Variants in GPC6 observed in about 807,000 individuals in gnomAD.
GPC6 encodes glypican 6, also known as glypican-6.
In GPC6, 14 loss-of-function variants were observed where a neutral mutation model predicts 55.2. The observed-to-expected ratio is 0.25, with a 90% CI of 0.17 to 0.40. The LOEUF is 0.40. Ranked by LOEUF, GPC6 falls within the 10% of genes least tolerant of loss-of-function variation. The probability of loss-of-function intolerance (pLI) is 1.00; values close to 1 mark genes in which losing one functional copy is unlikely to be tolerated. For missense variants in GPC6, 641 were observed against 708.5 expected (o/e 0.90, Z 1.08); for synonymous variants, 278 against 259.6 (o/e 1.07, Z -0.68).
intron 2 of GPC6, among the ~76,000 whole-genome samples, chr13:93,770,505 C>T (rs1169957621): frequency 6.6e-6 from 1 of 152,150 alleles, no homozygotes; most frequent in African/African-American, 2.4e-5. Context: ...CATCTTCTTC[C>T]AAGACAGGCC....
intron 1 of GPC6, among the ~76,000 whole-genome samples, chr13:93,440,688 T>A (rs950027613): frequency 8.1e-5 from 7 of 86,268 alleles, no homozygotes; most frequent in East Asian, 4.1e-4. Flanking sequence ...TTTATTTTTT[T>A]AATTATACAC....
intron 3 of GPC6, among the ~76,000 whole-genome samples, chr13:93,945,490 G>A (rs146424929): frequency 7.9e-5 from 12 of 152,168 alleles, no homozygotes; most frequent in African/African-American, 2.2e-4. Flanking sequence ...AAGGTGAAGC[G>A]CAGGCAGGCT....
intron 4 of GPC6, among the ~76,000 whole-genome samples, chr13:94,174,549 C>T (rs1888679337): frequency 6.6e-6 from 1 of 151,958 alleles, no homozygotes; most frequent in Non-Finnish European, 1.5e-5. Flanking sequence ...TGGCATAAAA[C>T]AAATGGTGTG....
intron 2 of GPC6, among the ~76,000 whole-genome samples, chr13:93,829,663 A>G (rs968412408): frequency 3.3e-5 from 5 of 152,224 alleles, no homozygotes; most frequent in African/African-American, 9.6e-5. Context: ...GAAACTAGAA[A>G]GAGTCTAAAA....
At chr13:93,957,672 T>C (rs1258006681) in intron 3 of GPC6, among the ~76,000 whole-genome samples, 1 of 152,200 alleles carries the variant, frequency 6.6e-6, no homozygotes, top group Non-Finnish European at 1.5e-5. Flanking sequence ...TGTGATAGTA[T>C]GGTAATGAAC....
At chr13:94,368,041 C>G (rs940931421) in intron 6 of GPC6, among the ~76,000 whole-genome samples, 1 of 150,338 alleles carries the variant, frequency 6.7e-6, no homozygotes, top group African/African-American at 2.5e-5. Flanking sequence ...CCCAGCTACT[C>G]GGGAAGCTGA....
chr13:93,297,968 T>C (rs1239008409), intron 1 of GPC6, among the ~76,000 whole-genome samples: 1 of 152,190 alleles, frequency 6.6e-6, no homozygotes, highest in Non-Finnish European at 1.5e-5. Flanking sequence ...ATTGGCTTGA[T>C]AAAATATGGA....
chr13:93,783,463 C>A (rs780038242), intron 2 of GPC6, among the ~76,000 whole-genome samples: 1 of 152,100 alleles, frequency 6.6e-6, no homozygotes, highest in Non-Finnish European at 1.5e-5. Flanking sequence ...TAAAAGCGTT[C>A]CTGTTTCTCT....
intron 1 of GPC6, among the ~76,000 whole-genome samples, chr13:93,264,985 G>T (rs1259388967): frequency 6.6e-6 from 1 of 152,074 alleles, no homozygotes; most frequent in East Asian, 1.9e-4. Flanking sequence ...ACTTCATAAA[G>T]GATGATAAGA....
chr13:94,040,420 C>T (rs569641427), intron 4 of GPC6, among the ~76,000 whole-genome samples: 3 of 151,884 alleles, frequency 2.0e-5, no homozygotes, highest in African/African-American at 4.8e-5. Context: ...TTCGAGATAC[C>T]AGTGACGTTT....
chr13:93,669,201 A>AT (rs970197766), intron 2 of GPC6, among the ~76,000 whole-genome samples: 1 of 151,964 alleles, frequency 6.6e-6, no homozygotes, highest in African/African-American at 2.4e-5. Flanking sequence ...CATTTTTTTC[A>AT]TTTTTTTACT....
intron 1 of GPC6, among the ~76,000 whole-genome samples, chr13:93,348,382 G>C (rs1428065807): frequency 6.6e-6 from 1 of 152,172 alleles, no homozygotes; most frequent in African/African-American, 2.4e-5. Context: ...AAAGTCCTTT[G>C]CAATTACATA....
At chr13:93,942,426 C>T (rs555888022) in intron 3 of GPC6, among the ~76,000 whole-genome samples, 3 of 152,192 alleles carry the variant, frequency 2.0e-5, no homozygotes, top group African/African-American at 7.2e-5. Context: ...CTTTGGTGAT[C>T]CTCCCACCTC....
intron 4 of GPC6, among the ~76,000 whole-genome samples, chr13:94,272,682 A>C (rs1398714642): frequency 2.0e-5 from 3 of 151,692 alleles, no homozygotes; most frequent in Non-Finnish European, 4.4e-5. Flanking sequence ...GTTAGCCAGG[A>C]TGGTCTCAAT....
intron 4 of GPC6, among the ~76,000 whole-genome samples, chr13:94,192,668 C>T (rs1315568057): frequency 6.6e-6 from 1 of 152,174 alleles, no homozygotes; most frequent in Non-Finnish European, 1.5e-5. Context: ...GAGAAAGAGC[C>T]TGCCTTAGCC....
intron 4 of GPC6, among the ~76,000 whole-genome samples, chr13:94,137,384 AG>A (rs1426219440): frequency 1.3e-5 from 2 of 152,108 alleles, no homozygotes; most frequent in Non-Finnish European, 2.9e-5. Context: ...GAAAATAGGC[AG>A]GGGATTTGTG....
At chr13:93,230,417 A>G (rs896574138) in intron 1 of GPC6, among the ~76,000 whole-genome samples, 2 of 152,166 alleles carry the variant, frequency 1.3e-5, no homozygotes, top group African/African-American at 2.4e-5. Context: ...GGAGGCCTTC[A>G]AGGGGCAGTT....
At chr13:94,324,027 T>C (rs563316746) in intron 6 of GPC6, among the ~76,000 whole-genome samples, 3 of 152,240 alleles carry the variant, frequency 2.0e-5, no homozygotes, top group African/African-American at 7.2e-5. Context: ...GCTTCCGGCA[T>C]TGTTGTCGAA....
the GPC6 span, among the ~76,000 whole-genome samples, chr13:93,219,355 G>A: frequency 6.6e-6 from 1 of 152,136 alleles, no homozygotes; most frequent in East Asian, 1.9e-4. Context: ...GCCTCCCAAA[G>A]TGTTGGGATT....
Sources: gnomAD v4.1 joint callset for allele counts (sites outside exome capture counted in the v4.1 genomes callset) on GRCh38, gnomAD v4.1.1 for gene constraint, MANE v1.5 for transcripts, NCBI Gene and HGNC (gene_info 2026-07-23, HGNC 2026-07-21) for gene names.